IL1RAPL1: variants seen among roughly 807,000 people sequenced by gnomAD.
IL1RAPL1 encodes interleukin 1 receptor accessory protein like 1, also known as interleukin-1 receptor accessory protein-like 1.
Under a neutral mutation model 48.4 loss-of-function variants are expected in IL1RAPL1, and 3 were observed. That is an observed-to-expected ratio of 0.06 (90% CI 0.03 to 0.16). The LOEUF (loss-of-function observed/expected upper bound fraction) is 0.16, where lower values mean the gene tolerates loss of function less well. Among genes scored for constraint, IL1RAPL1 ranks in the 10% least tolerant of loss-of-function variants. IL1RAPL1 has a pLI of 1.00. For synonymous variants in IL1RAPL1, 185 were observed against 187.7 expected (o/e 0.99, Z 0.12); for missense variants, 349 against 530.6 (o/e 0.66, Z 3.36).
At chrX:29,257,351 A>G (rs898545318) in intron 2 of IL1RAPL1, among the ~76,000 whole-genome samples, 2 of 111,691 alleles carry the variant, frequency 1.8e-5, no homozygotes, top group Admixed American at 1.9e-4. Context: ...AGTAAAACTG[A>G]TTTCAGTTCA....
At chrX:29,393,491 T>C (rs996782462) in intron 3 of IL1RAPL1, among the ~76,000 whole-genome samples, 2 of 111,532 alleles carry the variant, frequency 1.8e-5, no homozygotes, top group African/African-American at 6.5e-5. Flanking sequence ...ACCCATGAGG[T>C]TGGGCTTTGG....
At chrX:29,153,459 C>T (rs1424929379) in intron 2 of IL1RAPL1, among the ~76,000 whole-genome samples, 2 of 111,814 alleles carry the variant, frequency 1.8e-5, no homozygotes, top group Admixed American at 1.9e-4. Flanking sequence ...TACTGGTTTA[C>T]CCTTATCTCG....
chrX:28,615,110 G>A (rs1057402698), intron 1 of IL1RAPL1, among the ~76,000 whole-genome samples: 2 of 106,557 alleles, frequency 1.9e-5, no homozygotes, highest in African/African-American at 6.9e-5. Flanking sequence ...GGATGGTCTC[G>A]ACCTCCTGAC....
chrX:29,195,557 CTTT>C (rs756993767), intron 2 of IL1RAPL1, among the ~76,000 whole-genome samples: 1 of 79,943 alleles, frequency 1.3e-5, no homozygotes, highest in Non-Finnish European at 2.3e-5. Context: ...TAACTAATTA[CTTT>C]TTTTTTTTTT....
chrX:29,405,661 C>T (rs1293332745), intron 5 of IL1RAPL1, among the ~76,000 whole-genome samples: 9 of 109,240 alleles, frequency 8.2e-5, no homozygotes, highest in African/African-American at 2.7e-4. Context: ...CCACCACGCC[C>T]AGGCTCTGTG....
At chrX:29,022,208 A>G (rs1026562283) in intron 2 of IL1RAPL1, among the ~76,000 whole-genome samples, 2 of 110,312 alleles carry the variant, frequency 1.8e-5, no homozygotes, top group Non-Finnish European at 3.8e-5. Context: ...TTTCGCCCCA[A>G]CCCTCATGAG....
At chrX:29,385,676 CA>C (rs1260911127) in intron 3 of IL1RAPL1, among the ~76,000 whole-genome samples, 1 of 112,412 alleles carries the variant, frequency 8.9e-6, no homozygotes, top group Non-Finnish European at 1.9e-5. Context: ...TATCGTGTAT[CA>C]GAATGTCATT....
Position 29,147,362 on chromosome X carries a change from CTG to C in IL1RAPL1, c.83-135574_83-135573del, listed in dbSNP as rs1323107238. Among the ~76,000 whole-genome samples the C allele has an allele frequency of 2.7e-5, 3 of 111,768 alleles. No homozygotes were observed. In the East Asian group the frequency reaches 8.4e-4, roughly 31 times the overall value. On this transcript the variant is annotated intron_variant, in intron 2 of 10. Coordinates refer to ENST00000378993, the MANE Select transcript of IL1RAPL1 (RefSeq NM_014271.4). Reference sequence around the variant, plus strand: ...TTCATGATTATTCTGATTCAAATATCTGTAAATATAAAGGGAGGGGGAGAATG... The same window carrying C: ...TTCATGATTATTCTGATTCAAATATCTAAATATAAAGGGAGGGGGAGAATG...
intron 2 of IL1RAPL1, among the ~76,000 whole-genome samples, chrX:29,224,316 C>T (rs967935022): frequency 1.2e-4 from 13 of 110,783 alleles, no homozygotes; most frequent in African/African-American, 3.0e-4. Flanking sequence ...TTCTGACTAC[C>T]GGCTCCAAGC....
chrX:28,639,352 A>G (rs1477919274), intron 1 of IL1RAPL1, among the ~76,000 whole-genome samples: 1 of 112,069 alleles, frequency 8.9e-6, no homozygotes, highest in Non-Finnish European at 1.9e-5. Context: ...ACTGGAAACA[A>G]CATTCCTTTC....
At chrX:29,718,253 C>T (rs1356178700) in intron 6 of IL1RAPL1, among the ~76,000 whole-genome samples, 1 of 110,793 alleles carries the variant, frequency 9.0e-6, no homozygotes, top group Non-Finnish European at 1.9e-5. Context: ...ATTACACATA[C>T]ACCATGGAAT....
chrX:29,929,228 A>G (rs770161295), intron 8 of IL1RAPL1, among the ~76,000 whole-genome samples: 6 of 111,646 alleles, frequency 5.4e-5, no homozygotes, highest in South Asian at 3.8e-4. Context: ...ATGAATGAGA[A>G]TTGACTAAAA....
At chrX:29,275,159 C>T (rs1932100492) in intron 2 of IL1RAPL1, among the ~76,000 whole-genome samples, 1 of 111,457 alleles carries the variant, frequency 9.0e-6, no homozygotes, top group Admixed American at 9.6e-5. Flanking sequence ...AAGTGTCATC[C>T]CTGGACCAGC....
chrX:29,593,639 C>G (rs189018721), intron 5 of IL1RAPL1, among the ~76,000 whole-genome samples: 6 of 111,859 alleles, frequency 5.4e-5, no homozygotes, highest in Admixed American at 4.7e-4. Context: ...GATCAATATT[C>G]TAGTATGTAT....
intron 6 of IL1RAPL1, among the ~76,000 whole-genome samples, chrX:29,802,458 C>T (rs1929933265): frequency 9.2e-6 from 1 of 108,989 alleles, no homozygotes; most frequent in African/African-American, 3.3e-5. Context: ...TGGTAAAATA[C>T]CATAAATATC....
chrX:29,234,531 A>C (rs2147560052), intron 2 of IL1RAPL1, among the ~76,000 whole-genome samples: 1 of 112,238 alleles, frequency 8.9e-6, no homozygotes, highest in African/African-American at 3.2e-5. Flanking sequence ...AAGAACGCTA[A>C]CATTTATGCA....
chrX:29,415,047 A>C (rs1934196666), intron 5 of IL1RAPL1, among the ~76,000 whole-genome samples: 1 of 112,145 alleles, frequency 8.9e-6, no homozygotes, highest in African/African-American at 3.2e-5. Context: ...AAGTTTTAAG[A>C]GTAAAATATA....
intron 2 of IL1RAPL1, among the ~76,000 whole-genome samples, chrX:29,064,644 C>T (rs1299543384): frequency 9.0e-6 from 1 of 111,291 alleles, no homozygotes; most frequent in African/African-American, 3.3e-5. Flanking sequence ...TGCAGTGGCG[C>T]GATCTCGGCT....
chrX:28,841,387 A>C (rs938823252), intron 2 of IL1RAPL1, among the ~76,000 whole-genome samples: 5 of 111,389 alleles, frequency 4.5e-5, no homozygotes, highest in African/African-American at 1.6e-4. Context: ...GCACACAGAC[A>C]CATTTTAGAG....
Sources: allele counts gnomAD v4.1 joint callset (sites outside exome capture counted in the v4.1 genomes callset), GRCh38; gene constraint gnomAD v4.1.1; transcripts MANE v1.5; gene names NCBI Gene and HGNC (gene_info 2026-07-23, HGNC 2026-07-21).